PKP4: variants seen among roughly 807,000 people sequenced by gnomAD.
PKP4 encodes plakophilin 4, also known as plakophilin-4.
In PKP4, 90 loss-of-function variants were observed where a neutral mutation model predicts 145.1. The observed-to-expected ratio is 0.62, with a 90% CI of 0.52 to 0.74. PKP4 has a LOEUF of 0.74. PKP4 is among the 30% of genes least tolerant of loss of function. The pLI is 0.00. For missense variants in PKP4, 1,340 were observed against 1,482.7 expected (o/e 0.90, Z 1.58); for synonymous variants, 563 against 577.2 (o/e 0.98, Z 0.35).
intron 1 of PKP4, among the ~76,000 whole-genome samples, chr2:158,489,411 C>G (rs946846246): frequency 6.6e-6 from 1 of 152,200 alleles, no homozygotes; most frequent in African/African-American, 2.4e-5. Flanking sequence ...TAACCCTTCT[C>G]AGAATTCCTT....
intron 1 of PKP4, among the ~76,000 whole-genome samples, chr2:158,520,069 G>A (rs1207688250): frequency 6.6e-6 from 1 of 152,052 alleles, no homozygotes; most frequent in African/African-American, 2.4e-5. Context: ...AGATATTTTG[G>A]GGAAATGTTG....
intron 1 of PKP4, among the ~76,000 whole-genome samples, chr2:158,473,714 T>C (rs1691979933): frequency 6.6e-6 from 1 of 152,098 alleles, no homozygotes; most frequent in Admixed American, 6.6e-5. Flanking sequence ...TGGACTTAAT[T>C]CCTGGGTGAT....
chr2:158,499,264 T>C (rs1696206343), intron 1 of PKP4, among the ~76,000 whole-genome samples: 1 of 152,110 alleles, frequency 6.6e-6, no homozygotes, highest in Non-Finnish European at 1.5e-5. Flanking sequence ...AAACTGAAGA[T>C]GGATACATTA....
intron 2 of PKP4, among the ~76,000 whole-genome samples, chr2:158,558,467 A>G (rs3771604): frequency 0.56 from 84,721 of 151,858 alleles, 24,184 homozygotes; most frequent in Admixed American, 0.65. Flanking sequence ...ATGAATGTCA[A>G]GGAGGAAGTC....
intron 3 of PKP4, among the ~76,000 whole-genome samples, chr2:158,587,113 A>T (rs2105808242): frequency 6.6e-6 from 1 of 152,314 alleles, no homozygotes; most frequent in Admixed American, 6.5e-5. Context: ...TAATGCAGTT[A>T]GGAAGAACCA....
chr2:158,585,833 A>G (rs1182747266), intron 3 of PKP4, among the ~76,000 whole-genome samples: 2 of 150,310 alleles, frequency 1.3e-5, no homozygotes, highest in Non-Finnish European at 3.0e-5. Flanking sequence ...GTTTTTAAGT[A>G]TATTCAGAGT....
intron 1 of PKP4, among the ~76,000 whole-genome samples, chr2:158,515,891 T>A (rs920182740): frequency 3.9e-5 from 6 of 152,116 alleles, no homozygotes; most frequent in Non-Finnish European, 8.8e-5. Context: ...ACAGAAAATT[T>A]AAAAATGGGC....
intron 2 of PKP4, among the ~76,000 whole-genome samples, chr2:158,563,182 A>T (rs2105743417): frequency 6.6e-6 from 1 of 152,320 alleles, no homozygotes; most frequent in African/African-American, 2.4e-5. Flanking sequence ...GAATTGGAAC[A>T]TTTAACTATT....
In PKP4 at chr2:158,680,642, G is replaced by A. The variant is rs773048954; in HGVS notation, c.3544G>A (p.Glu1182Lys). 46 of 1,613,832 alleles carry A rather than the reference G, an allele frequency of 2.9e-5. No individual in the cohort carries two copies. The Admixed American group carries it at 7.7e-4, about 27-fold the overall frequency. Residue 1182 changes from glutamate (E) to lysine (K), a missense_variant, in exon 22 of 22, where the codon GAA (glutamate) becomes AAA (lysine). Physicochemically the swap from Glu to Lys is moderately conservative, Grantham distance 56 (BLOSUM62 1). Coordinates refer to ENST00000389759, the MANE Select transcript of PKP4 (RefSeq NM_003628.6). ...YSTKRPSYRA[E>K]QYPGSPDSWV is the part of the protein sequence containing the mutation. ...CACTAAACGACCTTCTTATAGAGCA[G>A]AACAGTACCCAGGGTCCCCAGACTC...
At chr2:158,537,965 C>T (rs1050487410) in intron 2 of PKP4, among the ~76,000 whole-genome samples, 24 of 152,160 alleles carry the variant, frequency 1.6e-4, no homozygotes, top group African/African-American at 4.3e-4. Context: ...TGCAGTAAGC[C>T]GTGATCATGC....
intron 11 of PKP4, among the ~76,000 whole-genome samples, chr2:158,648,311 T>C (rs1246840228): frequency 6.6e-6 from 1 of 152,234 alleles, no homozygotes; most frequent in African/African-American, 2.4e-5. Context: ...TTCCTGATCA[T>C]TAGCTCCATA....
At position 158,680,984 on chromosome 2, in the gene PKP4, TCAAA is replaced by T; in HGVS notation, c.*308_*311del. The T allele has an allele frequency of 3.8e-6, 1 of 259,966 alleles. No individual in the cohort carries two copies. The highest frequency in any genetic ancestry group is 7.3e-6 in the Non-Finnish European group (1 of 136,826). 16.1% of individuals were successfully genotyped at this position (259,966 alleles called of 1,614,324 possible). A position where few individuals can be genotyped will look rare whatever the true frequency, so the allele number is the denominator to read the frequency against. On this transcript the variant is annotated 3_prime_UTR_variant, in exon 22 of 22. Transcript: ENST00000389759. ...TGAAATGGGGGATATGTAGGTCAAA[TCAAA>T]TTAAAGATGATTTTTTTAATGTGAA...
chr2:158,524,473 C>G (rs914484863), intron 1 of PKP4, among the ~76,000 whole-genome samples: 1 of 121,456 alleles, frequency 8.2e-6, no homozygotes, highest in Middle Eastern at 3.6e-3. Context: ...AAAAGAGCTC[C>G]TGAAGGAAGC....
chr2:158,516,235 T>C (rs1175650140), intron 1 of PKP4, among the ~76,000 whole-genome samples: 1 of 152,138 alleles, frequency 6.6e-6, no homozygotes, highest in Non-Finnish European at 1.5e-5. Flanking sequence ...GTCTGATTTC[T>C]TTGGTCTGGG....
chr2:158,477,168 G>A (rs949371422), intron 1 of PKP4, among the ~76,000 whole-genome samples: 1 of 152,124 alleles, frequency 6.6e-6, no homozygotes, highest in Non-Finnish European at 1.5e-5. Flanking sequence ...ACTGAGGTTA[G>A]TGCTTGTAGA....
At chr2:158,621,488 G>C in intron 6 of PKP4, 67 bp downstream of exon 6, 2 of 1,364,242 alleles carry the variant, frequency 1.5e-6, no homozygotes, top group South Asian at 1.3e-5. Flanking sequence ...GCTCATGCCT[G>C]TAATCCCAGC....
intron 2 of PKP4, among the ~76,000 whole-genome samples, chr2:158,558,134 T>C (rs2046243615): frequency 1.3e-5 from 2 of 152,208 alleles, no homozygotes; most frequent in Non-Finnish European, 2.9e-5. Flanking sequence ...TGGCTCTATC[T>C]CCTCTGAATA....
chr2:158,499,459 G>A (rs529832607), intron 1 of PKP4, among the ~76,000 whole-genome samples: 2 of 152,292 alleles, frequency 1.3e-5, no homozygotes, highest in East Asian at 3.9e-4. Context: ...TGTGTTTCCA[G>A]CTATAGAGAA....
intron 4 of PKP4, among the ~76,000 whole-genome samples, chr2:158,609,185 A>G (rs1320249693): frequency 6.6e-6 from 1 of 152,082 alleles, no homozygotes; most frequent in Admixed American, 6.6e-5. Context: ...TTGGGATAAA[A>G]CAGCAGTGTT....
Sources: gnomAD v4.1 joint callset for allele counts (sites outside exome capture counted in the v4.1 genomes callset) on GRCh38, gnomAD v4.1.1 for gene constraint, MANE v1.5 for transcripts, NCBI Gene and HGNC (gene_info 2026-07-23, HGNC 2026-07-21) for gene names.